DLGAP4: variants seen among roughly 807,000 people sequenced by gnomAD.
DLGAP4 encodes the protein DLG associated protein 4.
A neutral mutation model predicts 86.9 loss-of-function variants in DLGAP4; 18 were observed. That is an observed-to-expected ratio of 0.21 (90% CI 0.14 to 0.31). The LOEUF is 0.31. Among genes scored for constraint, DLGAP4 ranks in the 10% least tolerant of loss-of-function variants. The pLI is 1.00. For missense variants in DLGAP4, 1,085 were observed against 1,362.6 expected, an observed-to-expected ratio of 0.80 and a Z score of 3.21; for synonymous variants, 548 against 574.3, an observed-to-expected ratio of 0.95 and a Z score of 0.65.
chr20:36,369,732 T>C (rs1292419030), intron 2 of DLGAP4, among the ~76,000 whole-genome samples: 1 of 152,234 alleles, frequency 6.6e-6, no homozygotes, highest in Non-Finnish European at 1.5e-5. Context: ...CCTTTTGATA[T>C]TTTACTGCAG....
chr20:36,313,191 G>T (rs911453104), intron 1 of DLGAP4, among the ~76,000 whole-genome samples: 4 of 152,054 alleles, frequency 2.6e-5, no homozygotes, highest in Non-Finnish European at 5.9e-5. Flanking sequence ...GGCTGACTGC[G>T]TGCAGTGACG....
At chr20:36,315,120 ATGTGG>A (rs2065087055) in intron 1 of DLGAP4, among the ~76,000 whole-genome samples, 1 of 104,144 alleles carries the variant, frequency 9.6e-6, no homozygotes, top group South Asian at 3.3e-4. Flanking sequence ...GATGTGTGGT[ATGTGG>A]TGTGGTGTGT....
intron 2 of DLGAP4, among the ~76,000 whole-genome samples, chr20:36,396,832 G>C (rs2034474651): frequency 6.6e-6 from 1 of 152,196 alleles, no homozygotes; most frequent in African/African-American, 2.4e-5. Flanking sequence ...CTCTCAGGGC[G>C]GTTGCATTCA....
chr20:36,516,668 GA>G (rs747235286), intron 10 of DLGAP4, among the ~76,000 whole-genome samples: 1,451 of 77,078 alleles, frequency 0.019, 11 homozygotes, highest in South Asian at 0.038. Flanking sequence ...TCCGTCTCAG[GA>G]AAAAAAAAAA....
intron 2 of DLGAP4, among the ~76,000 whole-genome samples, chr20:36,420,674 T>C (rs6094367): frequency 0.59 from 89,142 of 151,668 alleles, 26,267 homozygotes; most frequent in Middle Eastern, 0.65. Flanking sequence ...CTTGTCTCTA[T>C]AAAAAACACA....
rs1216277736 is a variant in DLGAP4 at position 36,528,561 on chromosome 20, CTG to C, written c.*1532_*1533del. ...CCTCTGTGTGCCTCAACTTCCTCCT[CTG>C]TAAAACGGGGACAGTCCCTGCCCCT... On this transcript the variant is annotated 3_prime_UTR_variant, in exon 13 of 13. Transcript: ENST00000339266. 6.5e-6 allele frequency: 1 copy of C among 152,750 alleles called. No individual in the cohort carries two copies. 9.5% of individuals were successfully genotyped at this position (152,750 alleles called of 1,614,324 possible).
At chr20:36,453,466 A>G (rs574813432) in intron 7 of DLGAP4, among the ~76,000 whole-genome samples, 402 of 152,244 alleles carry the variant, frequency 2.6e-3, no homozygotes, top group African/African-American at 8.6e-3. Flanking sequence ...CCTGGGCAAC[A>G]TAGTGAGAAC....
chr20:36,344,789 C>T (rs2029889289), intron 1 of DLGAP4, among the ~76,000 whole-genome samples: 1 of 152,216 alleles, frequency 6.6e-6, no homozygotes, highest in African/African-American at 2.4e-5. Flanking sequence ...GGATGAGACC[C>T]TCCACCTCAT....
At chr20:36,442,487 C>T (rs1019657892) in intron 5 of DLGAP4, among the ~76,000 whole-genome samples, 1 of 152,252 alleles carries the variant, frequency 6.6e-6, no homozygotes, top group African/African-American at 2.4e-5. Context: ...AGCCACTGCG[C>T]CCAGCCAAGA....
At chr20:36,468,534 C>A (rs1480258867) in intron 7 of DLGAP4, among the ~76,000 whole-genome samples, 1 of 152,252 alleles carries the variant, frequency 6.6e-6, no homozygotes, top group East Asian at 1.9e-4. Flanking sequence ...GCCAATCATT[C>A]TCTCTGTGTG....
intron 10 of DLGAP4, among the ~76,000 whole-genome samples, chr20:36,505,389 A>C (rs1016583526): frequency 6.6e-6 from 1 of 152,176 alleles, no homozygotes; most frequent in African/African-American, 2.4e-5. Flanking sequence ...ATAAAAATTT[A>C]AGATAAACAG....
chr20:36,439,647 G>T (rs574936808), intron 4 of DLGAP4, 107 bp from the exon 5 acceptor site: 5 of 897,904 alleles, frequency 5.6e-6, no homozygotes, highest in East Asian at 5.4e-5. Flanking sequence ...CGGCTGCAGC[G>T]GGCATCACAG....
At chr20:36,519,042 G>T (rs964328608) in intron 10 of DLGAP4, among the ~76,000 whole-genome samples, 1 of 151,726 alleles carries the variant, frequency 6.6e-6, no homozygotes, top group African/African-American at 2.4e-5. Context: ...GCTTGAACCC[G>T]GGAGGCAGAG....
At chr20:36,486,830 T>A (rs2035438897) in intron 7 of DLGAP4, among the ~76,000 whole-genome samples, 1 of 151,926 alleles carries the variant, frequency 6.6e-6, no homozygotes, top group Non-Finnish European at 1.5e-5. Context: ...CAGGCTGGTC[T>A]CAAACTCCTG....
At chr20:36,478,358 G>C (rs186039411) in intron 7 of DLGAP4, among the ~76,000 whole-genome samples, 277 of 152,278 alleles carry the variant, frequency 1.8e-3, no homozygotes, top group Middle Eastern at 3.4e-3. Flanking sequence ...TTTACAGATG[G>C]GTGGCAGTCC....
Position 36,432,214 on chromosome 20 carries a change from G to T in DLGAP4, c.497G>T (p.Gly166Val), listed in dbSNP as rs753084933. 6.2e-7 allele frequency: 1 copy of T among 1,614,096 alleles called. No individual in the cohort carries two copies. Among genetic ancestry groups the T allele is most frequent in the Admixed American group, 1.7e-5 (1 of 60,032 alleles). The change falls in exon 3 of 13, where the codon GGC becomes GTC. Residue 166 changes from glycine (G) to valine (V), a missense_variant. Physicochemically the swap from Gly to Val is moderately radical, Grantham distance 109. Coordinates refer to ENST00000339266, the MANE Select transcript of DLGAP4 (RefSeq NM_001365621.2). This position sits in a 1 kb window ranked among gnomAD's most constrained non-coding sequence, Gnocchi z 6.5. ...SLEGTAGKVG[G>V]NGSKKGGMED... ...GAGGGCACAGCGGGCAAGGTCGGTGGCAATGGCAGCAAGAAGGGTGGCATG... is the reference window on the plus strand; with the variant it reads ...GAGGGCACAGCGGGCAAGGTCGGTGTCAATGGCAGCAAGAAGGGTGGCATG...
intron 1 of DLGAP4, among the ~76,000 whole-genome samples, chr20:36,331,833 G>T (rs568042948): frequency 4.0e-4 from 61 of 152,312 alleles, no homozygotes; most frequent in Non-Finnish European, 7.3e-4. Flanking sequence ...CCTCTCTGGG[G>T]AGGTGACATT....
chr20:36,387,461 T>C (rs1352400952), intron 2 of DLGAP4, among the ~76,000 whole-genome samples: 2 of 152,234 alleles, frequency 1.3e-5, no homozygotes, highest in East Asian at 3.8e-4. Flanking sequence ...TGCTTGTCTG[T>C]TAACTTTGTG....
chr20:36,428,087 C>T (rs1464171224), intron 2 of DLGAP4, among the ~76,000 whole-genome samples: 1 of 152,080 alleles, frequency 6.6e-6, no homozygotes, highest in African/African-American at 2.4e-5. Flanking sequence ...ATGAACTAAA[C>T]GTCCAACTCA....
Sources: gnomAD v4.1 joint callset for allele counts (sites outside exome capture counted in the v4.1 genomes callset) on GRCh38, gnomAD v4.1.1 for gene constraint, Gnocchi (gnomAD v3.1) non-coding constraint, MANE v1.5 for transcripts, NCBI Gene and HGNC (gene_info 2026-07-23, HGNC 2026-07-21) for gene names.